Variants in GOPC observed in about 807,000 individuals in gnomAD.
The protein encoded by GOPC is golgi associated PDZ and coiled-coil motif containing.
Under a neutral mutation model 51.2 loss-of-function variants are expected in GOPC, and 32 were observed. The ratio of observed to expected loss-of-function variants is 0.63; its 90% CI spans 0.47 to 0.84. The LOEUF (loss-of-function observed/expected upper bound fraction) is 0.84, where lower values mean the gene tolerates loss of function less well. Ranked by LOEUF, GOPC falls within the 40% of genes least tolerant of loss-of-function variation. The pLI is 0.00. For synonymous variants in GOPC, 190 were observed against 205.1 expected (o/e 0.93, Z 0.63); for missense variants, 441 against 555.5 (o/e 0.79, Z 2.07).
chr6:117,564,267 TCAAG>T (rs1313688304), intron 8 of GOPC, among the ~76,000 whole-genome samples: 2 of 152,206 alleles, frequency 1.3e-5, no homozygotes, highest in East Asian at 3.8e-4. Context: ...TGAGCCACCA[TCAAG>T]CTGTCTGTAA....
intron 5 of GOPC, among the ~76,000 whole-genome samples, chr6:117,571,281 T>TA (rs1319704147): frequency 6.6e-6 from 1 of 152,200 alleles, no homozygotes; most frequent in African/African-American, 2.4e-5. Context: ...TAAAAGTGTC[T>TA]ATCTTCACTG....
chr6:117,566,831 A>G, intron 8 of GOPC, 23 bp downstream of exon 8: 1 of 1,454,558 alleles, frequency 6.9e-7, no homozygotes. Context: ...TATGTTAATA[A>G]TAATTTTTAG....
At chr6:117,567,614 T>C (rs1333108629) in intron 7 of GOPC, among the ~76,000 whole-genome samples, 1 of 152,082 alleles carries the variant, frequency 6.6e-6, no homozygotes, top group Non-Finnish European at 1.5e-5. Flanking sequence ...ACAGACATAG[T>C]GTTAATCAAG....
At chr6:117,596,661 CTT>C (rs1324879615) in intron 1 of GOPC, among the ~76,000 whole-genome samples, 1 of 152,026 alleles carries the variant, frequency 6.6e-6, no homozygotes, top group African/African-American at 2.4e-5. Context: ...CCTTTCCTCA[CTT>C]TATGTTTTTG....
chr6:117,601,946 C>G (rs981738151), intron 1 of GOPC, 58 bp downstream of exon 1: 2 of 1,576,062 alleles, frequency 1.3e-6, no homozygotes, highest in African/African-American at 1.3e-5. Flanking sequence ...TAAATGGCAT[C>G]TGACGCCACC....
chr6:117,569,762 TA>T (rs780984817), intron 6 of GOPC, 26 bp from the exon 7 acceptor site: 16 of 1,548,452 alleles, frequency 1.0e-5, no homozygotes, highest in Non-Finnish European at 1.3e-5. Context: ...GGCAGTAAAT[TA>T]AAGTACTCTT....
At chr6:117,573,707 A>G in intron 4 of GOPC, 75 bp from the exon 5 acceptor site, 1 of 1,240,560 alleles carries the variant, frequency 8.1e-7, no homozygotes, top group South Asian at 1.8e-5. Flanking sequence ...ATTAGTGAAC[A>G]TAAGTAGCTT....
chr6:117,577,603 T>C, intron 2 of GOPC, 132 bp from the exon 3 acceptor site: 1 of 666,536 alleles, frequency 1.5e-6, no homozygotes, highest in Non-Finnish European at 2.5e-6. Flanking sequence ...AGAACAAATA[T>C]ATTTGCAATC....
At chr6:117,582,670 T>G (rs1583058920) in intron 1 of GOPC, among the ~76,000 whole-genome samples, 1 of 150,672 alleles carries the variant, frequency 6.6e-6, no homozygotes, top group South Asian at 2.1e-4. Flanking sequence ...TCCCATCCCC[T>G]TTCCAGCTCC....
At chr6:117,571,741 A>C (rs1779810940) in intron 5 of GOPC, among the ~76,000 whole-genome samples, 1 of 152,096 alleles carries the variant, frequency 6.6e-6, no homozygotes, top group Non-Finnish European at 1.5e-5. Context: ...GGTCACCAGT[A>C]ATCAATATTG....
rs768999736 is a variant in GOPC at position 117,602,136 on chromosome 6, G to A, written c.153C>T (p.Leu51=). 1.2e-6 allele frequency: 2 copies of A among 1,614,104 alleles called. No homozygotes were observed. Among genetic ancestry groups the A allele is most frequent in the South Asian group, 2.2e-5 (2 of 91,074 alleles). The change falls in exon 1 of 9, where the codon CTC becomes CTT. Residue 51 remains leucine, a synonymous_variant. Transcript: ENST00000368498. The part of the protein sequence containing the change: ...FDKAFVDVDL[L]LGEIDPDQAD... Reference sequence around the variant, plus strand: ...CTTGGTCTGGATCGATCTCTCCCAGGAGCAGATCCACATCCACAAAAGCTT... The same window carrying A: ...CTTGGTCTGGATCGATCTCTCCCAGAAGCAGATCCACATCCACAAAAGCTT...
At chr6:117,579,604 A>G (rs1177907210) in intron 1 of GOPC, among the ~76,000 whole-genome samples, 3 of 152,106 alleles carry the variant, frequency 2.0e-5, no homozygotes, top group African/African-American at 7.2e-5. Context: ...AGTTAACTGT[A>G]AGTCTTCAGC....
chr6:117,595,526 AT>A (rs1780184829), intron 1 of GOPC, among the ~76,000 whole-genome samples: 3 of 152,116 alleles, frequency 2.0e-5, no homozygotes, highest in African/African-American at 7.2e-5. Flanking sequence ...CCAATGTGTC[AT>A]CTTTTATCCC....
rs1000627577 is a variant in GOPC, at chr6:117,560,781, A to C, written c.*2473T>G. 2 of 210,788 alleles carry C rather than the reference A, an allele frequency of 9.5e-6. No individual in the cohort carries two copies. Among genetic ancestry groups the C allele is most frequent in the African/African-American group, 4.5e-5 (2 of 44,114 alleles). 13.1% of individuals were successfully genotyped at this position (210,788 alleles called of 1,614,324 possible). ...CACATACAACCCTCACATTTTATTA[A>C]AACGTTTTCTCAACCATTCTGTTTG... is the stretch of plus-strand genomic sequence containing the variant. On this transcript the variant is annotated 3_prime_UTR_variant, in exon 9 of 9. Transcript: ENST00000368498.
At chr6:117,587,689 A>C (rs1005622043) in intron 1 of GOPC, among the ~76,000 whole-genome samples, 2 of 152,082 alleles carry the variant, frequency 1.3e-5, no homozygotes, top group South Asian at 2.1e-4. Context: ...GGTCAAAACT[A>C]TTTTCATTAT....
intron 1 of GOPC, among the ~76,000 whole-genome samples, chr6:117,592,724 G>A (rs760753750): frequency 8.6e-5 from 13 of 152,036 alleles, no homozygotes; most frequent in Non-Finnish European, 1.9e-4. Flanking sequence ...TCTAAATAAG[G>A]TCACATTCTG....
chr6:117,570,731 C>A, intron 6 of GOPC, 129 bp downstream of exon 6: 1 of 410,920 alleles, frequency 2.4e-6, no homozygotes, highest in Non-Finnish European at 4.3e-6. Flanking sequence ...AACATTTATC[C>A]CCATGGGGAT....
At chr6:117,581,615 G>A (rs1395949262) in intron 1 of GOPC, among the ~76,000 whole-genome samples, 1 of 152,130 alleles carries the variant, frequency 6.6e-6, no homozygotes, top group African/African-American at 2.4e-5. Flanking sequence ...GAATGTTTGA[G>A]TATGCTTATA....
chr6:117,591,441 C>G (rs548424811), intron 1 of GOPC, among the ~76,000 whole-genome samples: 3 of 152,122 alleles, frequency 2.0e-5, no homozygotes, highest in African/African-American at 4.8e-5. Context: ...ATGTGGTAAA[C>G]GCTAATTATA....
Sources: allele counts gnomAD v4.1 joint callset (sites outside exome capture counted in the v4.1 genomes callset), GRCh38; gene constraint gnomAD v4.1.1; transcripts MANE v1.5; gene names NCBI Gene and HGNC (gene_info 2026-07-23, HGNC 2026-07-21).